Variants in PKN2 observed in about 807,000 individuals in gnomAD.
The protein encoded by PKN2 is protein kinase N2, also known as serine/threonine-protein kinase N2.
Under a neutral mutation model 119.1 loss-of-function variants are expected in PKN2, and 38 were observed. The observed-to-expected ratio is 0.32, with a 90% confidence interval of 0.25 to 0.42. The LOEUF (loss-of-function observed/expected upper bound fraction) is 0.42, where lower values mean the gene tolerates loss of function less well. Ranked by LOEUF, PKN2 falls within the 10% of genes least tolerant of loss-of-function variation. PKN2 has a pLI of 1.00. For missense variants in PKN2, 850 were observed against 1,165.1 expected (o/e 0.73, Z 3.94); for synonymous variants, 390 against 384.9 (o/e 1.01, Z -0.15).
At chr1:88,705,329 T>C (rs577799060) in intron 1 of PKN2, among the ~76,000 whole-genome samples, 45 of 152,292 alleles carry the variant, frequency 3.0e-4, no homozygotes, top group African/African-American at 1.0e-3. Context: ...AATTTTTGTT[T>C]ATGGTGCCAG....
At chr1:88,827,667 C>T (rs1333170481) in intron 18 of PKN2, among the ~76,000 whole-genome samples, 1 of 136,364 alleles carries the variant, frequency 7.3e-6, no homozygotes, top group Admixed American at 8.0e-5. Context: ...CCCTCCCGTC[C>T]CCTCCTCTCT....
intron 16 of PKN2, among the ~76,000 whole-genome samples, chr1:88,818,760 G>A (rs189204629): frequency 8.6e-5 from 13 of 152,040 alleles, no homozygotes; most frequent in African/African-American, 2.4e-4. Context: ...GAGGCATCAC[G>A]CTACCTGATT....
chr1:88,699,366 C>T (rs965655641), intron 1 of PKN2, among the ~76,000 whole-genome samples: 24 of 151,652 alleles, frequency 1.6e-4, no homozygotes, highest in African/African-American at 5.8e-4. Flanking sequence ...GTTTTTTTTG[C>T]GTATAGGCTA....
chr1:88,716,277 G>A (rs1331777297), intron 1 of PKN2, among the ~76,000 whole-genome samples: 1 of 152,188 alleles, frequency 6.6e-6, no homozygotes, highest in Non-Finnish European at 1.5e-5. Flanking sequence ...CTGTTGATTT[G>A]GGGTGGAGAG....
intron 8 of PKN2, among the ~76,000 whole-genome samples, chr1:88,788,485 G>T (rs1670676583): frequency 6.6e-6 from 1 of 150,860 alleles, no homozygotes; most frequent in Non-Finnish European, 1.5e-5. Flanking sequence ...CGCTCTTGTT[G>T]CCCAGGCTGG....
chr1:88,715,562 T>C (rs907671048), intron 1 of PKN2, among the ~76,000 whole-genome samples: 2 of 152,206 alleles, frequency 1.3e-5, no homozygotes, highest in Non-Finnish European at 2.9e-5. Context: ...CCTAGAGGTG[T>C]TTATAGTATT....
At chr1:88,739,618 C>G (rs954961392) in intron 1 of PKN2, among the ~76,000 whole-genome samples, 1 of 152,180 alleles carries the variant, frequency 6.6e-6, no homozygotes, top group African/African-American at 2.4e-5. Context: ...CCATGTCCTT[C>G]ATAAACTCAA....
At chr1:88,817,262 C>T (rs1046339713) in intron 16 of PKN2, among the ~76,000 whole-genome samples, 19 of 152,080 alleles carry the variant, frequency 1.2e-4, no homozygotes, top group Non-Finnish European at 2.6e-4. Flanking sequence ...AATCAATAAA[C>T]GTAATCCATC....
chr1:88,707,318 AT>A (rs1482360706), intron 1 of PKN2, among the ~76,000 whole-genome samples: 1 of 152,062 alleles, frequency 6.6e-6, no homozygotes, highest in African/African-American at 2.4e-5. Flanking sequence ...TCTTACATTC[AT>A]TATATTCTTT....
In PKN2 at chr1:88,760,249, ATAATGACCCTCGTTGTTCTAC is replaced by A; in HGVS notation, c.380_400del (p.Asn127_Thr133del). ...TGCCCAAGGACTCCAGATACTCCAA[ATAATGACCCTCGTTGTTCTAC>A]TAGCAACAATAGATTGAAGGCCTTA... On this transcript the variant is annotated inframe_deletion, in exon 3 of 22. Transcript: ENST00000370521. 1 of 1,575,552 alleles carries A rather than the reference ATAATGACCCTCGTTGTTCTAC, an allele frequency of 6.3e-7. No homozygotes were observed. Among genetic ancestry groups the A allele is most frequent in the Non-Finnish European group, 8.7e-7 (1 of 1,150,798 alleles).
At chr1:88,750,379 G>T (rs991418735) in intron 2 of PKN2, among the ~76,000 whole-genome samples, 1 of 152,118 alleles carries the variant, frequency 6.6e-6, no homozygotes, top group African/African-American at 2.4e-5. Flanking sequence ...GTTTCATCTT[G>T]TAAGCCAACT....
chr1:88,742,498 C>A (rs957276251), intron 2 of PKN2, among the ~76,000 whole-genome samples: 1 of 151,836 alleles, frequency 6.6e-6, no homozygotes, highest in African/African-American at 2.4e-5. Flanking sequence ...AATCCACCTT[C>A]TAATTTTAGA....
intron 1 of PKN2, among the ~76,000 whole-genome samples, chr1:88,704,562 T>C (rs1189412483): frequency 6.6e-6 from 1 of 152,160 alleles, no homozygotes; most frequent in East Asian, 1.9e-4. Context: ...TTTAAAAAGC[T>C]ACCAAATGAT....
At chr1:88,774,851 G>A (rs968713041) in intron 6 of PKN2, among the ~76,000 whole-genome samples, 1 of 151,982 alleles carries the variant, frequency 6.6e-6, no homozygotes, top group African/African-American at 2.4e-5. Context: ...TAGGAGTACG[G>A]GAACGTGCCA....
intron 8 of PKN2, among the ~76,000 whole-genome samples, chr1:88,800,887 A>G (rs1671277536): frequency 6.6e-6 from 1 of 152,192 alleles, no homozygotes; most frequent in Non-Finnish European, 1.5e-5. Flanking sequence ...TCAATTCATA[A>G]TAAGACAAAC....
chr1:88,710,645 A>G (rs1667191628), intron 1 of PKN2, among the ~76,000 whole-genome samples: 1 of 152,228 alleles, frequency 6.6e-6, no homozygotes, highest in Non-Finnish European at 1.5e-5. Flanking sequence ...TAAAAAGTCA[A>G]AAAGTCACAG....
chr1:88,735,875 T>TC (rs2100735149), intron 1 of PKN2, among the ~76,000 whole-genome samples: 1 of 152,302 alleles, frequency 6.6e-6, no homozygotes, highest in South Asian at 2.1e-4. Context: ...TGTATCTTTC[T>TC]CTAGTTTTGG....
intron 1 of PKN2, among the ~76,000 whole-genome samples, chr1:88,738,352 A>G (rs1015588316): frequency 4.6e-5 from 7 of 152,224 alleles, no homozygotes; most frequent in Admixed American, 6.5e-5. Context: ...TGGACAGGAA[A>G]TTGTTTCCCA....
chr1:88,831,374 G>A (rs558016927), intron 19 of PKN2, among the ~76,000 whole-genome samples: 1 of 151,682 alleles, frequency 6.6e-6, no homozygotes, highest in African/African-American at 2.4e-5. Context: ...ATTATCCATT[G>A]AAATTCCCAT....
Sources: gnomAD v4.1 joint callset for allele counts (sites outside exome capture counted in the v4.1 genomes callset) on GRCh38, gnomAD v4.1.1 for gene constraint, MANE v1.5 for transcripts, NCBI Gene and HGNC (gene_info 2026-07-23, HGNC 2026-07-21) for gene names.